Variants in NKAIN2 observed in about 807,000 individuals in gnomAD.
The protein encoded by NKAIN2 is sodium/potassium transporting ATPase interacting 2.
NKAIN2 carries 14 observed loss-of-function variants against 32.6 expected under a neutral mutation model. That is an observed-to-expected ratio of 0.43 (90% CI 0.28 to 0.67). NKAIN2 has a LOEUF of 0.67. Ranked by LOEUF, NKAIN2 falls within the 30% of genes least tolerant of loss-of-function variation. The probability of loss-of-function intolerance (pLI) is 0.17; values close to 1 mark genes in which losing one functional copy is unlikely to be tolerated. For missense variants in NKAIN2, 198 were observed against 258.3 expected (o/e 0.77, Z 1.60); for synonymous variants, 80 against 87.2 (o/e 0.92, Z 0.46).
chr6:124,056,787 G>A (rs1258865817), intron 1 of NKAIN2, among the ~76,000 whole-genome samples: 18 of 151,806 alleles, frequency 1.2e-4, no homozygotes, highest in East Asian at 1.9e-4. Context: ...TCAAACGGTC[G>A]CACAAGCAGG....
intron 1 of NKAIN2, among the ~76,000 whole-genome samples, chr6:123,982,731 G>T (rs2114668801): frequency 6.6e-6 from 1 of 152,248 alleles, no homozygotes. Context: ...ATATAAATTT[G>T]ATAGCAAGAT....
chr6:124,573,658 T>C (rs1366320370), intron 3 of NKAIN2, among the ~76,000 whole-genome samples: 1 of 152,308 alleles, frequency 6.6e-6, no homozygotes, highest in East Asian at 1.9e-4. Flanking sequence ...CAGAATAATG[T>C]AGCGCAGCCC....
intron 3 of NKAIN2, among the ~76,000 whole-genome samples, chr6:124,562,946 C>T (rs1780752915): frequency 6.6e-6 from 1 of 150,858 alleles, no homozygotes; most frequent in South Asian, 2.1e-4. Flanking sequence ...ACACTGCCAC[C>T]CTGGCTGGAC....
intron 1 of NKAIN2, among the ~76,000 whole-genome samples, chr6:124,167,697 G>A (rs190237846): frequency 3.4e-3 from 523 of 151,964 alleles, no homozygotes; most frequent in African/African-American, 0.011. Context: ...TGTCCCATCA[G>A]TACCTAATTT....
intron 1 of NKAIN2, among the ~76,000 whole-genome samples, chr6:123,886,339 GA>G (rs1773711428): frequency 6.6e-6 from 1 of 151,996 alleles, no homozygotes; most frequent in South Asian, 2.1e-4. Flanking sequence ...ACTTCCACAT[GA>G]TGGCATATTT....
intron 4 of NKAIN2, among the ~76,000 whole-genome samples, chr6:124,706,412 T>C (rs1156441470): frequency 6.6e-6 from 1 of 152,104 alleles, no homozygotes; most frequent in East Asian, 1.9e-4. Flanking sequence ...TTATTATATA[T>C]TGAATTAAAA....
At chr6:124,443,136 A>G (rs1336348471) in intron 3 of NKAIN2, among the ~76,000 whole-genome samples, 1 of 151,988 alleles carries the variant, frequency 6.6e-6, no homozygotes, top group Non-Finnish European at 1.5e-5. Flanking sequence ...GATGTCAGAG[A>G]CCATTAGACC....
intron 4 of NKAIN2, among the ~76,000 whole-genome samples, chr6:124,783,725 T>C (rs1243975624): frequency 6.6e-6 from 1 of 152,214 alleles, no homozygotes; most frequent in Non-Finnish European, 1.5e-5. Context: ...ATAACACTGA[T>C]ATAATCACAT....
At chr6:124,571,350 G>T (rs999249510) in intron 3 of NKAIN2, among the ~76,000 whole-genome samples, 1 of 152,142 alleles carries the variant, frequency 6.6e-6, no homozygotes, top group Non-Finnish European at 1.5e-5. Flanking sequence ...GCCAGGCGTG[G>T]AATGATAAGG....
At chr6:124,028,558 A>G (rs1781224357) in intron 1 of NKAIN2, among the ~76,000 whole-genome samples, 1 of 151,740 alleles carries the variant, frequency 6.6e-6, no homozygotes, top group Non-Finnish European at 1.5e-5. Flanking sequence ...TTTAAAAAAA[A>G]GGAAATGGAC....
At chr6:124,578,852 C>T (rs572994228) in intron 3 of NKAIN2, among the ~76,000 whole-genome samples, 2 of 152,084 alleles carry the variant, frequency 1.3e-5, no homozygotes, top group South Asian at 4.1e-4. Flanking sequence ...CCAGGCAGCT[C>T]AGCGCAGAAA....
At chr6:123,846,364 G>A (rs1775091397) in intron 1 of NKAIN2, among the ~76,000 whole-genome samples, 1 of 152,140 alleles carries the variant, frequency 6.6e-6, no homozygotes, top group Admixed American at 6.5e-5. Flanking sequence ...AGTGAACCCT[G>A]AACTTGCTTC....
chr6:124,327,711 G>A (rs1797479809), intron 2 of NKAIN2, among the ~76,000 whole-genome samples: 1 of 151,958 alleles, frequency 6.6e-6, no homozygotes, highest in African/African-American at 2.4e-5. Context: ...TTTTTTAAAT[G>A]TCAATAAAAT....
chr6:124,357,883 G>T (rs749438679), intron 3 of NKAIN2, among the ~76,000 whole-genome samples: 2 of 151,936 alleles, frequency 1.3e-5, no homozygotes, highest in Non-Finnish European at 2.9e-5. Context: ...CCATTAACTC[G>T]TCATTTAACA....
intron 1 of NKAIN2, among the ~76,000 whole-genome samples, chr6:123,950,408 G>A (rs1777271904): frequency 6.6e-6 from 1 of 151,862 alleles, no homozygotes; most frequent in Non-Finnish European, 1.5e-5. Context: ...GTAGAATTTG[G>A]CATTGAAGCA....
At chr6:124,619,820 T>C (rs1425450499) in intron 3 of NKAIN2, among the ~76,000 whole-genome samples, 1 of 152,190 alleles carries the variant, frequency 6.6e-6, no homozygotes, top group African/African-American at 2.4e-5. Context: ...CTGTTAGAAC[T>C]AGAAATCAGT....
At chr6:124,587,942 T>A (rs75999658) in intron 3 of NKAIN2, among the ~76,000 whole-genome samples, 6,655 of 152,278 alleles carry the variant, frequency 0.044, 202 homozygotes, top group East Asian at 0.12. Flanking sequence ...GGATTTTTTT[T>A]AAATTTATTT....
At chr6:123,994,970 A>G (rs1779557586) in intron 1 of NKAIN2, among the ~76,000 whole-genome samples, 2 of 152,152 alleles carry the variant, frequency 1.3e-5, no homozygotes, top group African/African-American at 4.8e-5. Flanking sequence ...TGAGGTGAAA[A>G]TCAAACATAA....
At chr6:124,300,763 T>G (rs1363775697) in intron 2 of NKAIN2, among the ~76,000 whole-genome samples, 1 of 152,202 alleles carries the variant, frequency 6.6e-6, no homozygotes, top group African/African-American at 2.4e-5. Flanking sequence ...AAGACACCAC[T>G]GGCATTTTGC....
Sources: gnomAD v4.1 joint callset for allele counts (sites outside exome capture counted in the v4.1 genomes callset) on GRCh38, gnomAD v4.1.1 for gene constraint, MANE v1.5 for transcripts, NCBI Gene and HGNC (gene_info 2026-07-23, HGNC 2026-07-21) for gene names.